Variants in MALRD1 observed in about 807,000 individuals in gnomAD.
MALRD1 encodes MAM and LDL receptor class A domain containing 1, also known as MAM and LDL-receptor class A domain-containing protein 1.
Under a neutral mutation model 242.1 loss-of-function variants are expected in MALRD1, and 247 were observed. That is an observed-to-expected ratio of 1.02 (90% CI 0.92 to 1.13). The LOEUF (loss-of-function observed/expected upper bound fraction) is 1.13, where lower values mean the gene tolerates loss of function less well. Among genes scored for constraint, MALRD1 ranks in the 50% most tolerant of loss-of-function variants. MALRD1 has a pLI of 0.00. For synonymous variants in MALRD1, 995 were observed against 866.6 expected (o/e 1.15, Z -2.60); for missense variants, 2,989 against 2,533.1 (o/e 1.18, Z -3.86).
chr10:19,153,699 A>AT (rs977904214), intron 11 of MALRD1, among the ~76,000 whole-genome samples: 8 of 151,870 alleles, frequency 5.3e-5, no homozygotes, highest in African/African-American at 1.7e-4. Flanking sequence ...AGGAAAAAAA[A>AT]AAAAGAAAAG....
chr10:19,272,839 C>T (rs1018701961), intron 19 of MALRD1, among the ~76,000 whole-genome samples: 2 of 152,228 alleles, frequency 1.3e-5, no homozygotes, highest in South Asian at 2.1e-4. Flanking sequence ...GCTTCATCCA[C>T]GTCCCTGCAA....
intron 21 of MALRD1, among the ~76,000 whole-genome samples, chr10:19,315,164 A>C (rs999901006): frequency 3.7e-5 from 5 of 134,790 alleles, no homozygotes; most frequent in Admixed American, 8.0e-5. Flanking sequence ...GAAATATGTA[A>C]ATATAATTTA....
intron 28 of MALRD1, among the ~76,000 whole-genome samples, chr10:19,440,851 A>T (rs1834602648): frequency 6.6e-6 from 1 of 152,212 alleles, no homozygotes; most frequent in South Asian, 2.1e-4. Context: ...TTCTTTGGGT[A>T]CATACCCAGT....
chr10:19,179,084 C>T (rs918580086), intron 14 of MALRD1, among the ~76,000 whole-genome samples: 4 of 152,066 alleles, frequency 2.6e-5, no homozygotes, highest in African/African-American at 9.7e-5. Context: ...TGCAGGATAG[C>T]GCTCAAAACA....
chr10:19,443,487 T>A (rs1834786110), intron 28 of MALRD1, among the ~76,000 whole-genome samples: 2 of 152,232 alleles, frequency 1.3e-5, no homozygotes, highest in Non-Finnish European at 2.9e-5. Flanking sequence ...TACACACTGC[T>A]TTAAATGTGT....
intron 18 of MALRD1, among the ~76,000 whole-genome samples, chr10:19,249,369 A>G (rs1208106288): frequency 6.6e-6 from 1 of 151,846 alleles, no homozygotes; most frequent in Non-Finnish European, 1.5e-5. Context: ...AGCAGTTTAG[A>G]TAGTAGTGTG....
At chr10:19,304,637 T>C (rs1422679997) in intron 21 of MALRD1, among the ~76,000 whole-genome samples, 1 of 151,776 alleles carries the variant, frequency 6.6e-6, no homozygotes, top group Non-Finnish European at 1.5e-5. Flanking sequence ...TCTTATCAAT[T>C]GGATTTAAAT....
intron 36 of MALRD1, among the ~76,000 whole-genome samples, chr10:19,638,664 G>A (rs1315693383): frequency 2.0e-5 from 3 of 152,130 alleles, no homozygotes; most frequent in Non-Finnish European, 4.4e-5. Flanking sequence ...TCAGGAATGT[G>A]AGTCAAGCAA....
intron 25 of MALRD1, among the ~76,000 whole-genome samples, chr10:19,351,397 A>T (rs1844370100): frequency 6.6e-6 from 1 of 152,106 alleles, no homozygotes; most frequent in South Asian, 2.1e-4. Flanking sequence ...ATTAATTTTT[A>T]CTCAAAGAAA....
Position 19,583,959 on chromosome 10 carries a change from G to T in MALRD1, c.5681-11235G>T, listed in dbSNP as rs551861294. Among the ~76,000 whole-genome samples, 622 of 152,222 alleles carry T rather than the reference G, an allele frequency of 4.1e-3. 5 individuals are homozygous for T. The highest frequency in any genetic ancestry group is 0.015 in the African/African-American group (610 of 41,528). On this transcript the variant is annotated intron_variant, in intron 33 of 39. Transcript: ENST00000454679. ...CTTCCTGGTTTAGTCTTGGGAGAGT[G>T]TGTGTGTCGAGGAATTTATGCATTT... is the stretch of plus-strand genomic sequence containing the variant.
intron 29 of MALRD1, among the ~76,000 whole-genome samples, chr10:19,471,286 C>T (rs549171467): frequency 5.9e-5 from 9 of 151,860 alleles, no homozygotes; most frequent in African/African-American, 2.2e-4. Flanking sequence ...TTCCATTGGT[C>T]TATGGGTCTG....
intron 36 of MALRD1, among the ~76,000 whole-genome samples, chr10:19,691,490 T>C (rs1333121650): frequency 6.6e-6 from 1 of 152,132 alleles, no homozygotes; most frequent in Non-Finnish European, 1.5e-5. Context: ...TAGCATGTAC[T>C]GTGAAGGTGG....
At chr10:19,365,534 G>A (rs1232286049) in intron 26 of MALRD1, among the ~76,000 whole-genome samples, 1 of 149,902 alleles carries the variant, frequency 6.7e-6, no homozygotes, top group Admixed American at 6.7e-5. Flanking sequence ...AAGCTTTTGT[G>A]ATTTTCTCTT....
chr10:19,170,949 T>C (rs1197181167), intron 13 of MALRD1, among the ~76,000 whole-genome samples: 1 of 152,114 alleles, frequency 6.6e-6, no homozygotes, highest in African/African-American at 2.4e-5. Flanking sequence ...AAAATTAATA[T>C]ATTCCTACTA....
At chr10:19,457,418 G>T (rs182546718) in intron 29 of MALRD1, among the ~76,000 whole-genome samples, 1 of 152,100 alleles carries the variant, frequency 6.6e-6, no homozygotes, top group East Asian at 1.9e-4. Flanking sequence ...GAAAATTAGG[G>T]TTCATCATTA....
intron 31 of MALRD1, among the ~76,000 whole-genome samples, chr10:19,525,241 T>C (rs944114551): frequency 7.9e-5 from 12 of 152,034 alleles, no homozygotes. Flanking sequence ...TATCAACTTT[T>C]TTTTTTTAAC....
chr10:19,216,392 G>C (rs975533006), intron 18 of MALRD1, among the ~76,000 whole-genome samples: 2 of 151,666 alleles, frequency 1.3e-5, no homozygotes, highest in Admixed American at 1.3e-4. Context: ...CTGGGATTAA[G>C]GCATGAGCCA....
intron 32 of MALRD1, among the ~76,000 whole-genome samples, chr10:19,540,353 T>C (rs1589218950): frequency 3.6e-4 from 1 of 2,758 alleles, no homozygotes; most frequent in East Asian, 0.016. Flanking sequence ...GGGATGTGGT[T>C]GCAAAGACAC....
chr10:19,656,886 C>T (rs1359719988), intron 36 of MALRD1, among the ~76,000 whole-genome samples: 1 of 152,158 alleles, frequency 6.6e-6, no homozygotes, highest in Non-Finnish European at 1.5e-5. Context: ...ACTCTGCTTA[C>T]AAGCACTTGC....
Sources: gnomAD v4.1 joint callset for allele counts (sites outside exome capture counted in the v4.1 genomes callset) on GRCh38, gnomAD v4.1.1 for gene constraint, MANE v1.5 for transcripts, NCBI Gene and HGNC (gene_info 2026-07-23, HGNC 2026-07-21) for gene names.